Variants in ZNF558 observed in about 807,000 individuals in gnomAD.
ZNF558 encodes the protein zinc finger protein 558.
Under a neutral mutation model 37.6 loss-of-function variants are expected in ZNF558, and 23 were observed. That is an observed-to-expected ratio of 0.61 (90% confidence interval 0.44 to 0.87). The LOEUF (loss-of-function observed/expected upper bound fraction) is 0.87. Among genes scored for constraint, ZNF558 ranks in the 40% least tolerant of loss-of-function variants. The pLI is 0.00. For missense variants in ZNF558, 429 were observed against 483.7 expected (o/e 0.89, Z 1.06); for synonymous variants, 189 against 174.4 (o/e 1.08, Z -0.66).
chr19:8,819,446 G>A (rs2044026614), intron 7 of ZNF558, among the ~76,000 whole-genome samples: 1 of 152,148 alleles, frequency 6.6e-6, no homozygotes, highest in African/African-American at 2.4e-5. Flanking sequence ...CTCCCAAAGT[G>A]CTGGGATTAC....
At chr19:8,831,110 ATACT>A (rs2044342733) in intron 2 of ZNF558, 1 of 152,128 alleles carries the variant, frequency 6.6e-6, no homozygotes, top group Non-Finnish European at 1.5e-5. Context: ...TGTTTTGTGG[ATACT>A]TATTTGCATG....
At chr19:8,819,865 C>G (rs372669996) in intron 7 of ZNF558, among the ~76,000 whole-genome samples, 2 of 152,122 alleles carry the variant, frequency 1.3e-5, no homozygotes, top group African/African-American at 4.8e-5. Context: ...CACTTGAACC[C>G]GGAAGGCAGA....
upstream of ZNF558, chr19:8,832,420 G>A (rs2044384953): frequency 1.3e-5 from 2 of 152,952 alleles, no homozygotes; most frequent in Non-Finnish European, 1.5e-5. Flanking sequence ...GGCGACAGGC[G>A]CGGCGGGCGG....
In ZNF558 at chr19:8,812,603, C is replaced by G. The variant is rs782066707; in HGVS notation, c.384G>C (p.Lys128Asn). ...TLLKAKWLTP[K>N]KNVFRKEQSK... ...ACTGTTCTTTTCTGAAAACATTCTTCTTAGGAGTTAACCATTTGGCTTTAA... is the reference window on the plus strand; with the variant it reads ...ACTGTTCTTTTCTGAAAACATTCTTGTTAGGAGTTAACCATTTGGCTTTAA... The change falls in exon 9 of 10, where the codon AAG becomes AAC. Residue 128 changes from lysine to asparagine, a missense_variant. Physicochemically the swap from Lys to Asn is moderately conservative, Grantham distance 94. Transcript: ENST00000601372. 1.2e-6 allele frequency: 2 copies of G among 1,604,458 alleles called. No homozygotes were observed. The highest frequency in any genetic ancestry group is 1.8e-5 in the Admixed American group (1 of 56,974).
upstream of ZNF558, among the ~76,000 whole-genome samples, chr19:8,835,511 T>C (rs2044446055): frequency 6.6e-6 from 1 of 152,110 alleles, no homozygotes. Context: ...TAATTAAAAT[T>C]AAAAAGATAG....
chr19:8,819,951 GCAAA>G (rs902265741), intron 7 of ZNF558, among the ~76,000 whole-genome samples: 12 of 152,148 alleles, frequency 7.9e-5, no homozygotes, highest in African/African-American at 2.4e-4. Flanking sequence ...GTCAAAACAA[GCAAA>G]CAAACAAATA....
chr19:8,822,969 A>C lies in ZNF558; in HGVS notation c.-65-245T>G. ...CACCCGCTTTGAGAACCTCGGCTTCACGCAGTCTCACGGCATGTTCTTCCC... is the reference window on the plus strand; with the variant it reads ...CACCCGCTTTGAGAACCTCGGCTTCCCGCAGTCTCACGGCATGTTCTTCCC... On this transcript the variant is annotated intron_variant, in intron 4 of 9. Transcript: ENST00000601372. The surrounding 1 kb of genome is among the most constrained non-coding windows in gnomAD (Gnocchi z 4.4). 1 of 411,868 alleles carries C rather than the reference A, an allele frequency of 2.4e-6. No individual in the cohort carries two copies. Among genetic ancestry groups the C allele is most frequent in the Non-Finnish European group, 4.6e-6 (1 of 219,512 alleles). 25.5% of individuals were successfully genotyped at this position (411,868 alleles called of 1,614,324 possible).
chr19:8,834,591 A>G (rs2044432735), upstream of ZNF558, among the ~76,000 whole-genome samples: 1 of 148,982 alleles, frequency 6.7e-6, no homozygotes, highest in Admixed American at 6.8e-5. Flanking sequence ...CTGAGAACAG[A>G]GCGAGACTCC....
At chr19:8,832,505 C>G (rs1395624644), upstream of ZNF558, 1 of 152,774 alleles carries the variant, frequency 6.5e-6, no homozygotes, top group Non-Finnish European at 1.5e-5. Flanking sequence ...TGGGCCCTGG[C>G]CTGGGGCAGT....
At chr19:8,821,031 T>A in intron 7 of ZNF558, 149 bp downstream of exon 7, 1 of 1,275,400 alleles carries the variant, frequency 7.8e-7, no homozygotes, top group Non-Finnish European at 1.1e-6. Flanking sequence ...CATGAATGTA[T>A]GAAAAACCAC....
rs1409290009 is a variant in ZNF558, at chr19:8,811,048, G to C, written c.*233C>G. ...TATAGCTTTGGCTGACATCTTGATT[G>C]TAAGTAAAGGCATGAGAGATCCTGC... is the stretch of plus-strand genomic sequence containing the variant. On this transcript the variant is annotated 3_prime_UTR_variant, in exon 10 of 10. Coordinates refer to ENST00000601372, the MANE Select transcript of ZNF558 (RefSeq NM_144693.3). The C allele has an allele frequency of 2.2e-6, 1 of 446,926 alleles. No individual in the cohort carries two copies. Among genetic ancestry groups the C allele is most frequent in the Non-Finnish European group, 4.0e-6 (1 of 252,920 alleles). The allele number at this position is 446,926 out of a possible 1,614,324, so 27.7% of individuals were successfully genotyped here. A position where few individuals can be genotyped will look rare whatever the true frequency, so the allele number is the denominator to read the frequency against.
chr19:8,813,223 C>T lies in ZNF558; in HGVS notation c.248-1G>A. The T allele has an allele frequency of 6.3e-7, 1 of 1,582,802 alleles. No homozygotes were observed. Among genetic ancestry groups the T allele is most frequent in the Non-Finnish European group, 8.6e-7 (1 of 1,162,610 alleles). On this transcript the variant is annotated splice_acceptor_variant, in intron 7 of 9. Transcript: ENST00000601372. LOFTEE classifies it high-confidence loss of function. ...AGACTGGGTTTATTAACACGACACC[C>T]TATTTATGGAAACAATACACATGAT...
upstream of ZNF558, among the ~76,000 whole-genome samples, chr19:8,834,393 A>C (rs959341756): frequency 6.6e-6 from 1 of 151,850 alleles, no homozygotes; most frequent in Non-Finnish European, 1.5e-5. Flanking sequence ...GCAGATCACG[A>C]GGTCAAGATA....
rs782375312 is a variant in ZNF558, at chr19:8,812,572, C to A, written c.415G>T (p.Gly139Cys). Residue 139 changes from glycine (G) to cysteine (C), a missense_variant, in exon 9 of 10, where the codon GGT (glycine) becomes TGT (cysteine). Coordinates refer to ENST00000601372, the MANE Select transcript of ZNF558 (RefSeq NM_144693.3). ...CATGTTAGTCTTACCGTTTTTACAC[C>A]TTTAGACTGTTCTTTTCTGAAAACA... is the stretch of plus-strand genomic sequence containing the variant. ...KNVFRKEQSKGVKTERSHRGV... is the reference protein window; with the variant it reads ...KNVFRKEQSKCVKTERSHRGV... 4 of 1,602,600 alleles carry A rather than the reference C, an allele frequency of 2.5e-6. No homozygotes were observed. In the East Asian group the frequency reaches 6.7e-5, roughly 27 times the overall value.
intron 2 of ZNF558, among the ~76,000 whole-genome samples, chr19:8,825,914 G>A (rs2044220681): frequency 6.6e-6 from 1 of 152,184 alleles, no homozygotes; most frequent in Non-Finnish European, 1.5e-5. Context: ...ATCCTGACAT[G>A]GGGGATGATG....
At position 8,807,606 on chromosome 19, in the gene ZNF558, T is replaced by C. The variant is rs1393657340; in HGVS notation, c.*3675A>G. On this transcript the variant is annotated 3_prime_UTR_variant, in exon 10 of 10. Transcript: ENST00000601372. ...GTGGGCCTTTGCATGCCAACACTAC[T>C]CTTGCAAGACAAATTCATATGACTC... 1 of 152,170 alleles carries C rather than the reference T, an allele frequency of 6.6e-6. No individual in the cohort carries two copies. Among genetic ancestry groups the C allele is most frequent in the Non-Finnish European group, 1.5e-5 (1 of 68,030 alleles). The allele number at this position is 152,170 out of a possible 1,614,324, so 9.4% of individuals were successfully genotyped here. A position where few individuals can be genotyped will look rare whatever the true frequency, so the allele number is the denominator to read the frequency against.
chr19:8,833,717 G>A (rs2044416575), upstream of ZNF558, among the ~76,000 whole-genome samples: 3 of 151,814 alleles, frequency 2.0e-5, no homozygotes, highest in Non-Finnish European at 4.4e-5. Flanking sequence ...GGTTGGACCT[G>A]GTGGCTTACG....
upstream of ZNF558, among the ~76,000 whole-genome samples, chr19:8,834,866 T>C (rs1568482857): frequency 1.3e-5 from 2 of 152,092 alleles, no homozygotes; most frequent in Non-Finnish European, 2.9e-5. Flanking sequence ...AGAAAAAATA[T>C]ATAAATTGGA....
upstream of ZNF558, among the ~76,000 whole-genome samples, chr19:8,836,947 A>G (rs2044462128): frequency 6.6e-6 from 1 of 152,214 alleles, no homozygotes; most frequent in Admixed American, 6.5e-5. Flanking sequence ...GCCAGTAAAA[A>G]CATCATCAAA....
Sources: gnomAD v4.1 joint callset for allele counts (sites outside exome capture counted in the v4.1 genomes callset) on GRCh38, gnomAD v4.1.1 for gene constraint, Gnocchi (gnomAD v3.1) non-coding constraint, MANE v1.5 for transcripts, NCBI Gene and HGNC (gene_info 2026-07-23, HGNC 2026-07-21) for gene names.